Variants in DCAF12 observed in about 807,000 individuals in gnomAD.
The protein encoded by DCAF12 is DDB1 and CUL4 associated factor 12, also known as DDB1- and CUL4-associated factor 12.
A neutral mutation model predicts 52.8 loss-of-function variants in DCAF12; 28 were observed. That is an observed-to-expected ratio of 0.53 (90% CI 0.39 to 0.73). The LOEUF is 0.73. DCAF12 is among the 30% of genes least tolerant of loss of function. The probability of loss-of-function intolerance (pLI) is 0.00; values close to 1 mark genes in which losing one functional copy is unlikely to be tolerated. For missense variants in DCAF12, 425 were observed against 552.2 expected (o/e 0.77, Z 2.31); for synonymous variants, 196 against 215.5 (o/e 0.91, Z 0.79).
In DCAF12 at chr9:34,098,315, A is replaced by G; in HGVS notation, c.795+9T>C. The stretch of plus-strand genomic sequence containing the variant: ...AATACACGTCAGGGATCCCTACACA[A>G]GTTCATACCTTGTTCTTGTTGTTGA... On this transcript the variant is annotated intron_variant, in intron 5 of 8. Coordinates refer to ENST00000361264, the MANE Select transcript of DCAF12 (RefSeq NM_015397.4). The G allele has an allele frequency of 3.1e-6, 5 of 1,612,656 alleles. No homozygotes were observed. Among genetic ancestry groups the G allele is most frequent in the Non-Finnish European group, 3.4e-6 (4 of 1,179,192 alleles).
At chr9:34,108,642 T>C (rs969925268) in intron 2 of DCAF12, among the ~76,000 whole-genome samples, 2 of 151,714 alleles carry the variant, frequency 1.3e-5, no homozygotes, top group Non-Finnish European at 2.9e-5. Context: ...CAAAATTAGC[T>C]GGGCATGGTG....
At position 34,111,980 on chromosome 9, in the gene DCAF12, C is replaced by CAA. The variant is rs542223380; in HGVS notation, c.334-4417_334-4416dup. On this transcript the variant is annotated intron_variant, in intron 2 of 8. Coordinates refer to ENST00000361264, the MANE Select transcript of DCAF12 (RefSeq NM_015397.4). ...TGAAACCCCATCTCTACTAAAAATA[C>CAA]AAAAAAAAAAAAATTAGCTGGATGT... Among the ~76,000 whole-genome samples the CAA allele has an allele frequency of 5.3e-4, 75 of 140,966 alleles. No individual in the cohort carries two copies. In the East Asian group the frequency reaches 8.3e-3, roughly 16 times the overall value. 92.5% of individuals were successfully genotyped at this position (140,966 alleles called of 152,430 possible). A position where few individuals can be genotyped will look rare whatever the true frequency, so the allele number is the denominator to read the frequency against.
At chr9:34,099,844 A>G (rs931955520) in intron 4 of DCAF12, among the ~76,000 whole-genome samples, 2 of 152,060 alleles carry the variant, frequency 1.3e-5, no homozygotes, top group African/African-American at 4.8e-5. Context: ...CACCCGCCTC[A>G]ACCTCCCAAA....
chr9:34,098,215 C>G, intron 5 of DCAF12, 109 bp downstream of exon 5: 1 of 1,226,750 alleles, frequency 8.2e-7, no homozygotes, highest in Non-Finnish European at 1.1e-6. Context: ...GTTCTGTGGG[C>G]TCAGAACCAT....
intron 2 of DCAF12, 34 bp from the exon 3 acceptor site, chr9:34,107,599 A>C: frequency 6.3e-7 from 1 of 1,598,708 alleles, no homozygotes; most frequent in Non-Finnish European, 8.6e-7. Context: ...AGCTGAACAT[A>C]AATTTAACGT....
Position 34,096,742 on chromosome 9 carries a change from A to G in DCAF12, c.835T>C (p.Trp279Arg), listed in dbSNP as rs1440191920. ...AVSLDGYFHL[W>R]KAENTLSKLL... ...TTAGATAGTGTATTTTCAGCCTTCC[A>G]GAGATGAAAGTAGCCATCCAGAGAC... Residue 279 changes from tryptophan to arginine, a missense_variant, in exon 6 of 9, where the codon TGG (tryptophan) becomes CGG (arginine). Trp to Arg is a moderately radical substitution (Grantham distance 101). Transcript: ENST00000361264. 2 of 1,614,144 alleles carry G rather than the reference A, an allele frequency of 1.2e-6. No individual in the cohort carries two copies. Among genetic ancestry groups the G allele is most frequent in the East Asian group, 2.2e-5 (1 of 44,882 alleles).
intron 2 of DCAF12, among the ~76,000 whole-genome samples, chr9:34,121,856 T>G (rs1587743054): frequency 6.6e-6 from 1 of 152,056 alleles, no homozygotes; most frequent in Non-Finnish European, 1.5e-5. Context: ...GGCGGGAGAA[T>G]CGATTGAACC....
chr9:34,126,118 A>G (rs1034905167), intron 1 of DCAF12, among the ~76,000 whole-genome samples: 1 of 152,162 alleles, frequency 6.6e-6, no homozygotes, highest in African/African-American at 2.4e-5. Context: ...CCACGAATGC[A>G]GGCCTCCCGC....
chr9:34,104,398 T>C (rs1013290268), intron 4 of DCAF12, among the ~76,000 whole-genome samples: 6 of 152,050 alleles, frequency 3.9e-5, no homozygotes, highest in Admixed American at 1.3e-4. Context: ...TGCTGGATTA[T>C]GGGGTGCAAG....
intron 6 of DCAF12, among the ~76,000 whole-genome samples, chr9:34,095,558 T>C (rs995491141): frequency 6.6e-6 from 1 of 151,878 alleles, no homozygotes; most frequent in East Asian, 1.9e-4. Context: ...TGGCTAATTT[T>C]TAAATTTTGT....
At chr9:34,120,988 T>A (rs1215213081) in intron 2 of DCAF12, among the ~76,000 whole-genome samples, 2 of 152,052 alleles carry the variant, frequency 1.3e-5, no homozygotes, top group African/African-American at 4.8e-5. Flanking sequence ...ACCCTGTCTC[T>A]ACTAAAAATA....
At chr9:34,125,458 G>A in intron 1 of DCAF12, 181 bp from the exon 2 acceptor site, 2 of 726,260 alleles carry the variant, frequency 2.8e-6, no homozygotes, top group South Asian at 3.7e-5. Context: ...ACATTAAAAA[G>A]ATGTTGCTCA....
At chr9:34,111,362 A>G (rs1008438769) in intron 2 of DCAF12, among the ~76,000 whole-genome samples, 3 of 152,164 alleles carry the variant, frequency 2.0e-5, no homozygotes, top group Admixed American at 6.5e-5. Context: ...ACTACTCTCT[A>G]AATGTCCAGG....
intron 1 of DCAF12, 36 bp downstream of exon 1, chr9:34,126,318 G>C: frequency 6.2e-7 from 1 of 1,609,022 alleles, no homozygotes; most frequent in South Asian, 1.1e-5. Context: ...TGGTTCCTCA[G>C]CCTCACCACC....
intron 2 of DCAF12, among the ~76,000 whole-genome samples, chr9:34,121,446 G>A (rs1829172798): frequency 6.6e-6 from 1 of 152,076 alleles, no homozygotes; most frequent in South Asian, 2.1e-4. Flanking sequence ...CTCTCTTATG[G>A]TGAAGGTTCT....
chr9:34,099,073 T>C (rs1461812933), intron 4 of DCAF12, among the ~76,000 whole-genome samples: 1 of 101,502 alleles, frequency 9.9e-6, no homozygotes, highest in Admixed American at 9.9e-5. Flanking sequence ...CCTGGTCTGC[T>C]TTTTTTTTTT....
chr9:34,126,541 G>A lies in DCAF12; in HGVS notation c.-110C>T, dbSNP rs1829254238. 18 of 1,260,200 alleles carry A rather than the reference G, an allele frequency of 1.4e-5. No individual in the cohort carries two copies. Among genetic ancestry groups the A allele is most frequent in the Non-Finnish European group, 1.8e-5 (17 of 940,210 alleles). 78.1% of individuals were successfully genotyped at this position (1,260,200 alleles called of 1,614,324 possible). A position where few individuals can be genotyped will look rare whatever the true frequency, so the allele number is the denominator to read the frequency against. ...CGGGGCCGCGCACCTTAGTGCGCCC[G>A]GCCCGGAAAATGGCCCGGACCCGGA... is the stretch of plus-strand genomic sequence containing the variant. On this transcript the variant is annotated 5_prime_UTR_variant, in exon 1 of 9. Coordinates refer to ENST00000361264, the MANE Select transcript of DCAF12 (RefSeq NM_015397.4).
chr9:34,105,639 C>T (rs1353367789), intron 4 of DCAF12, among the ~76,000 whole-genome samples: 2 of 152,036 alleles, frequency 1.3e-5, no homozygotes, highest in African/African-American at 4.8e-5. Context: ...AAATGAGACA[C>T]TGTCTCAAAA....
chr9:34,121,459 T>C (rs1211079395), intron 2 of DCAF12, among the ~76,000 whole-genome samples: 1 of 152,136 alleles, frequency 6.6e-6, no homozygotes, highest in Non-Finnish European at 1.5e-5. Flanking sequence ...AAGGTTCTCC[T>C]AGGTACAACA....
Sources: allele counts gnomAD v4.1 joint callset (sites outside exome capture counted in the v4.1 genomes callset), GRCh38; gene constraint gnomAD v4.1.1; transcripts MANE v1.5; gene names NCBI Gene and HGNC (gene_info 2026-07-23, HGNC 2026-07-21).